TMEM255B: variants seen among roughly 807,000 people sequenced by gnomAD.
TMEM255B encodes the protein transmembrane protein 255B, also known as family with sequence similarity 70, member B.
In TMEM255B, 35 loss-of-function variants were observed where a neutral mutation model predicts 34.5. That is an observed-to-expected ratio of 1.01 (90% CI 0.77 to 1.34). TMEM255B has a LOEUF of 1.34. TMEM255B is among the 40% of genes most tolerant of loss of function. TMEM255B has a pLI of 0.00. For synonymous variants in TMEM255B, 206 were observed against 201.2 expected (o/e 1.02, Z -0.20); for missense variants, 432 against 433.2 (o/e 1.00, Z 0.02).
intron 3 of TMEM255B, among the ~76,000 whole-genome samples, chr13:113,776,122 A>T (rs2138535367): frequency 6.6e-6 from 1 of 152,040 alleles, no homozygotes; most frequent in African/African-American, 2.4e-5. Context: ...TTCAAAGAGG[A>T]CCCTGTCCCG....
In TMEM255B at chr13:113,766,240, TACTA is replaced by T. The variant is rs1169998755; in HGVS notation, c.173_176del (p.Tyr58SerfsTer12). Reference sequence around the variant, plus strand: ...GACGGAGAATGTGACCGTTGGGGGCTACTACCCAGGGATCATTGTGAGTGCGCCG... The same window carrying T: ...GACGGAGAATGTGACCGTTGGGGGCTCCCAGGGATCATTGTGAGTGCGCCG... On this transcript the variant is annotated frameshift_variant, in exon 2 of 9. Transcript: ENST00000375353. LOFTEE classifies it high-confidence loss of function. 1 of 1,614,052 alleles carries T rather than the reference TACTA, an allele frequency of 6.2e-7. No individual in the cohort carries two copies. The highest frequency in any genetic ancestry group is 1.3e-5 in the African/African-American group (1 of 74,934).
At chr13:113,800,463 C>T (rs962995243) in intron 5 of TMEM255B, among the ~76,000 whole-genome samples, 9 of 152,144 alleles carry the variant, frequency 5.9e-5, no homozygotes, top group Non-Finnish European at 1.0e-4. Flanking sequence ...CCTGTTCTGC[C>T]GCCCTCCGGG....
Position 113,816,008 on chromosome 13 carries a change from G to C in TMEM255B, c.*4105G>C, listed in dbSNP as rs1321084447. ...AAAGGAGGTGCAGTCACTGCTCAGG[G>C]ACACGGGTTCTTTTCGGGGAGGCAA... is the stretch of plus-strand genomic sequence containing the variant. On this transcript the variant is annotated 3_prime_UTR_variant, in exon 9 of 9. Transcript: ENST00000375353. The C allele has an allele frequency of 5.4e-6, 1 of 185,986 alleles. No individual in the cohort carries two copies. The highest frequency in any genetic ancestry group is 1.2e-5 in the Non-Finnish European group (1 of 85,292). The allele number at this position is 185,986 out of a possible 1,614,324, so 11.5% of individuals were successfully genotyped here.
chr13:113,783,762 A>C (rs2050699232), intron 3 of TMEM255B, among the ~76,000 whole-genome samples: 1 of 152,074 alleles, frequency 6.6e-6, no homozygotes, highest in South Asian at 2.1e-4. Flanking sequence ...AGGAGGGGCC[A>C]ACAGGGTGGA....
At chr13:113,796,500 A>G (rs1460330868) in intron 4 of TMEM255B, among the ~76,000 whole-genome samples, 19 of 149,540 alleles carry the variant, frequency 1.3e-4, no homozygotes, top group African/African-American at 4.4e-4. Flanking sequence ...CACTACACAC[A>G]CCACACAGAG....
intron 3 of TMEM255B, among the ~76,000 whole-genome samples, chr13:113,775,861 G>T (rs759803001): frequency 6.6e-6 from 1 of 152,188 alleles, no homozygotes; most frequent in Admixed American, 6.5e-5. Context: ...TTCTCAGGCC[G>T]GTGGCCCCAC....
Position 113,812,101 on chromosome 13 carries a change from TGGTG to T in TMEM255B, c.*199_*202del. 1.5e-6 allele frequency: 1 copy of T among 659,738 alleles called. No individual in the cohort carries two copies. The highest frequency in any genetic ancestry group is 2.5e-6 in the Non-Finnish European group (1 of 399,294). 40.9% of individuals were successfully genotyped at this position (659,738 alleles called of 1,614,324 possible). On this transcript the variant is annotated 3_prime_UTR_variant, in exon 9 of 9. Transcript: ENST00000375353. ...GGAGTGGGGCCCTCCAGACCCAGGC[TGGTG>T]ACACCTTGGCTTGGGCTCTGCTCAC...
At chr13:113,800,270 T>C (rs1431810602) in intron 5 of TMEM255B, among the ~76,000 whole-genome samples, 7 of 126,244 alleles carry the variant, frequency 5.5e-5, no homozygotes, top group African/African-American at 2.2e-4. Flanking sequence ...TGTGGAGGTG[T>C]CCTGTGTGTG....
At chr13:113,763,928 C>T (rs376838271) in intron 1 of TMEM255B, among the ~76,000 whole-genome samples, 230 of 152,332 alleles carry the variant, frequency 1.5e-3, no homozygotes, top group African/African-American at 5.1e-3. Flanking sequence ...GGCTGAGAAG[C>T]GAGGGACTGA....
Position 113,766,346 on chromosome 13 carries a change from T to G in TMEM255B, c.189+89T>G, listed in dbSNP as rs781642482. The stretch of plus-strand genomic sequence containing the variant: ...TGGAGTCCACGCCAGCTCACAGGGC[T>G]GGGGCTGAAGGTGGGGAGGCTTCGA... On this transcript the variant is annotated intron_variant, in intron 2 of 8. Coordinates refer to ENST00000375353, the MANE Select transcript of TMEM255B (RefSeq NM_182614.4). The G allele has an allele frequency of 3.8e-6, 6 of 1,586,908 alleles. 1 individual carries two copies. In the South Asian group the frequency reaches 6.6e-5, roughly 18 times the overall value.
intron 3 of TMEM255B, among the ~76,000 whole-genome samples, chr13:113,794,277 C>T (rs1009776356): frequency 2.0e-5 from 3 of 152,134 alleles, no homozygotes. Flanking sequence ...TGGACGAGCA[C>T]CCACGCTCGT....
At chr13:113,780,660 A>G (rs1213992897) in intron 3 of TMEM255B, among the ~76,000 whole-genome samples, 1 of 152,194 alleles carries the variant, frequency 6.6e-6, no homozygotes, top group Non-Finnish European at 1.5e-5. Context: ...AGTCCTGAAC[A>G]TTTTTCCTCT....
At chr13:113,787,611 C>T (rs191058934) in intron 3 of TMEM255B, among the ~76,000 whole-genome samples, 56 of 152,162 alleles carry the variant, frequency 3.7e-4, no homozygotes, top group Admixed American at 2.9e-3. Flanking sequence ...GCAGGTCAGA[C>T]GTGAAGAAGG....
At position 113,812,211 on chromosome 13, in the gene TMEM255B, T is replaced by G; in HGVS notation, c.*308T>G. 3.5e-5 allele frequency: 14 copies of G among 395,434 alleles called. No individual in the cohort carries two copies. Among genetic ancestry groups the G allele is most frequent in the East Asian group, 2.0e-4 (4 of 19,648 alleles). The allele number at this position is 395,434 out of a possible 1,614,324, so 24.5% of individuals were successfully genotyped here. A position where few individuals can be genotyped will look rare whatever the true frequency, so the allele number is the denominator to read the frequency against. ...GGTGTTTTCACATCCCTTAATTAAT[T>G]AGCTATTATTATGATTTTGCAAAGA... On this transcript the variant is annotated 3_prime_UTR_variant, in exon 9 of 9. Coordinates refer to ENST00000375353, the MANE Select transcript of TMEM255B (RefSeq NM_182614.4).
At chr13:113,809,660 T>TTTTACTCCGTGGTTCCTGGGGG (rs1402482071) in intron 8 of TMEM255B, among the ~76,000 whole-genome samples, 6 of 144,812 alleles carry the variant, frequency 4.1e-5, no homozygotes, top group Non-Finnish European at 9.2e-5. Context: ...GGTTCCTGAG[T>TTTTACTCCGTGGTTCCTGGGGG]TTTACTCCGT....
chr13:113,804,061 G>A (rs1042238066), intron 7 of TMEM255B, among the ~76,000 whole-genome samples: 2 of 152,220 alleles, frequency 1.3e-5, no homozygotes, highest in Admixed American at 6.5e-5. Context: ...GAAGGTGGAG[G>A]GGCACCTGTG....
At chr13:113,787,950 G>A (rs532769119) in intron 3 of TMEM255B, among the ~76,000 whole-genome samples, 56 of 146,118 alleles carry the variant, frequency 3.8e-4, no homozygotes, top group African/African-American at 1.3e-3. Context: ...GGGCATGGAC[G>A]GGGAGGAGGT....
chr13:113,802,518 C>T (rs2051084433), intron 7 of TMEM255B, among the ~76,000 whole-genome samples: 1 of 152,180 alleles, frequency 6.6e-6, no homozygotes, highest in Admixed American at 6.5e-5. Context: ...GGACGAGGGG[C>T]GCCCCCTCTT....
chr13:113,766,111 AC>A lies in TMEM255B; in HGVS notation c.47-3del. 3 of 1,613,952 alleles carry A rather than the reference AC, an allele frequency of 1.9e-6. No homozygotes were observed. The highest frequency in any genetic ancestry group is 2.5e-6 in the Non-Finnish European group (3 of 1,179,974). ...CTGACAGGTCCTCGCCTTCCTCCCC[AC>A]AGAAGGGCTTTCGAGGAGGAAGAAG... On this transcript the variant is annotated splice_polypyrimidine_tract_variant and splice_region_variant and intron_variant, in intron 1 of 8. Coordinates refer to ENST00000375353, the MANE Select transcript of TMEM255B (RefSeq NM_182614.4).
Sources: allele counts gnomAD v4.1 joint callset (sites outside exome capture counted in the v4.1 genomes callset), GRCh38; gene constraint gnomAD v4.1.1; transcripts MANE v1.5; gene names NCBI Gene and HGNC (gene_info 2026-07-23, HGNC 2026-07-21).